The following ANAPC5 variants were observed in gnomAD, a reference collection of about 807,000 sequenced individuals.
The protein encoded by ANAPC5 is anaphase-promoting complex subunit 5.
A neutral mutation model predicts 91.3 loss-of-function variants in ANAPC5; 60 were observed. The ratio of observed to expected loss-of-function variants is 0.66; its 90% CI spans 0.53 to 0.81. The LOEUF (loss-of-function observed/expected upper bound fraction) is 0.81, where lower values mean the gene tolerates loss of function less well. Among genes scored for constraint, ANAPC5 ranks in the 40% least tolerant of loss-of-function variants. The pLI is 0.00. For synonymous variants in ANAPC5, 340 were observed against 364.1 expected (o/e 0.93, Z 0.75); for missense variants, 690 against 931.5 (o/e 0.74, Z 3.37).
upstream of ANAPC5, among the ~76,000 whole-genome samples, chr12:121,354,116 G>A (rs1247183336): frequency 6.0e-5 from 9 of 149,668 alleles, no homozygotes; most frequent in African/African-American, 2.2e-4. Flanking sequence ...AGCCTCCCGA[G>A]TAGCTGGAAC....
chr12:121,351,277 G>A (rs1903881870), intron 1 of ANAPC5: 1 of 319,622 alleles, frequency 3.1e-6, no homozygotes, highest in Non-Finnish European at 6.2e-6. Flanking sequence ...GGAGGCTGAG[G>A]TGGGAGGATC....
chr12:121,337,244 C>T, intron 6 of ANAPC5, 47 bp downstream of exon 6: 3 of 1,504,558 alleles, frequency 2.0e-6, no homozygotes, highest in East Asian at 4.5e-5. Context: ...AAAAAGTTGC[C>T]TTGTCATTCC....
chr12:121,321,195 ACT>A (rs370670517), intron 11 of ANAPC5: 11 of 152,036 alleles, frequency 7.2e-5, no homozygotes, highest in African/African-American at 2.2e-4. Context: ...GTTGTGGTGC[ACT>A]GAGATCGTGC....
At chr12:121,339,609 G>A (rs541938729) in intron 5 of ANAPC5, among the ~76,000 whole-genome samples, 7 of 152,064 alleles carry the variant, frequency 4.6e-5, no homozygotes, top group South Asian at 4.2e-4. Flanking sequence ...TAGCTGGGAC[G>A]ACAGGCACAT....
chr12:121,320,583 G>A, intron 11 of ANAPC5, 124 bp from the exon 12 acceptor site: 1 of 662,916 alleles, frequency 1.5e-6, no homozygotes, highest in East Asian at 2.7e-5. Flanking sequence ...AGAGATACTG[G>A]TCAGAGACTC....
rs201038764 is a variant in ANAPC5 at position 121,330,584 on chromosome 12, G to A, written c.1121C>T (p.Pro374Leu). The change falls in exon 9 of 17, where the codon CCG becomes CTG. Residue 374 changes from proline (P) to leucine (L), a missense_variant and splice_region_variant. Physicochemically the swap from Pro to Leu is moderately conservative, Grantham distance 98. Transcript: ENST00000261819. ...ATCTCACAGAAAGATGAGCCTTACC[G>A]GTAACCCAAAATGTACTGCCTTCTT... ...SVKKAVHFGL[P>L]YLASLGIQSL... 5.0e-6 allele frequency: 8 copies of A among 1,613,106 alleles called. No homozygotes were observed. The highest frequency in any genetic ancestry group is 2.2e-5 in the East Asian group (1 of 44,800).
Position 121,318,363 on chromosome 12 carries a change from T to C in ANAPC5, c.1807A>G (p.Met603Val), listed in dbSNP as rs765527619. The change falls in exon 15 of 17, where the codon ATG becomes GTG. Residue 603 changes from methionine to valine, a missense_variant. Around this residue, in one of 5 missense-constraint regions of ANAPC5, gnomAD observed 317 missense variants for 438.7 expected, o/e 0.72. Coordinates refer to ENST00000261819, the MANE Select transcript of ANAPC5 (RefSeq NM_016237.5). The stretch of plus-strand genomic sequence containing the variant: ...GAGAGGGCCAGAGCCTGCAGGAGCA[T>C]GGGCAGCGCGATGGTAGGGGAGGAA... ...RSSSPTIALP[M>V]LLQALALSKE... 2 of 1,612,250 alleles carry C rather than the reference T, an allele frequency of 1.2e-6. No homozygotes were observed. The highest frequency in any genetic ancestry group is 1.7e-6 in the Non-Finnish European group (2 of 1,179,176).
chr12:121,350,398 C>T (rs980945864), intron 1 of ANAPC5, among the ~76,000 whole-genome samples: 1 of 152,170 alleles, frequency 6.6e-6, no homozygotes, highest in African/African-American at 2.4e-5. Context: ...AAGAAATCCT[C>T]GGGCCGGGCG....
chr12:121,353,487 C>A (rs1165407522), upstream of ANAPC5, among the ~76,000 whole-genome samples: 1 of 151,958 alleles, frequency 6.6e-6, no homozygotes, highest in African/African-American at 2.4e-5. Context: ...GTCGCCCAGG[C>A]TGGAGTGCAG....
At chr12:121,313,752 C>CA (rs894728960) in intron 15 of ANAPC5, among the ~76,000 whole-genome samples, 11 of 151,962 alleles carry the variant, frequency 7.2e-5, no homozygotes, top group African/African-American at 2.7e-4. Context: ...AATTAGTAAC[C>CA]AAAAAAACTT....
At chr12:121,331,316 C>A in intron 8 of ANAPC5, 31 bp downstream of exon 8, 1 of 1,563,454 alleles carries the variant, frequency 6.4e-7, no homozygotes, top group Non-Finnish European at 8.8e-7. Context: ...AACCCGTGAA[C>A]AAAACTCCCA....
intron 6 of ANAPC5, among the ~76,000 whole-genome samples, chr12:121,337,020 C>A (rs1228081627): frequency 6.6e-6 from 1 of 152,144 alleles, no homozygotes; most frequent in Non-Finnish European, 1.5e-5. Context: ...GAGATCAAGA[C>A]CATCCTGGCC....
At chr12:121,353,522 G>C (rs1190617147), upstream of ANAPC5, among the ~76,000 whole-genome samples, 1 of 151,780 alleles carries the variant, frequency 6.6e-6, no homozygotes, top group Non-Finnish European at 1.5e-5. Context: ...CTCACTGCAA[G>C]CTCTACCTCC....
At chr12:121,320,610 T>A in intron 11 of ANAPC5, 151 bp from the exon 12 acceptor site, 1 of 205,418 alleles carries the variant, frequency 4.9e-6, no homozygotes. Flanking sequence ...CTTTTCTTTC[T>A]TTTTTTTTTT....
intron 11 of ANAPC5, among the ~76,000 whole-genome samples, chr12:121,324,278 G>A (rs1555272111): frequency 2.6e-5 from 4 of 152,042 alleles, no homozygotes; most frequent in Admixed American, 2.6e-4. Flanking sequence ...AGCCCAGTAA[G>A]TATATATATA....
intron 3 of ANAPC5, chr12:121,346,413 G>C: frequency 5.3e-6 from 1 of 187,230 alleles, no homozygotes; most frequent in Non-Finnish European, 1.1e-5. Flanking sequence ...CATAGGAAGA[G>C]AGAGAGAAAT....
At chr12:121,334,924 G>A (rs1021062753) in intron 7 of ANAPC5, 10 of 152,126 alleles carry the variant, frequency 6.6e-5, no homozygotes, top group Non-Finnish European at 1.2e-4. Context: ...GCACTAAGAC[G>A]GCAATGTTAC....
chr12:121,313,063 C>T (rs1409647803), intron 15 of ANAPC5, among the ~76,000 whole-genome samples: 2 of 152,212 alleles, frequency 1.3e-5, no homozygotes, highest in African/African-American at 2.4e-5. Context: ...CGGTGGTTCA[C>T]GCCTGTAATC....
chr12:121,345,205 T>C (rs1903616009), intron 4 of ANAPC5, among the ~76,000 whole-genome samples: 1 of 152,196 alleles, frequency 6.6e-6, no homozygotes, highest in Admixed American at 6.5e-5. Flanking sequence ...CTTGACCAAC[T>C]AAGTGAGTAA....
Sources: allele counts gnomAD v4.1 joint callset (sites outside exome capture counted in the v4.1 genomes callset), GRCh38; gene constraint gnomAD v4.1.1; regional missense constraint gnomAD v4.1.1; transcripts MANE v1.5; gene names NCBI Gene and HGNC (gene_info 2026-07-23, HGNC 2026-07-21).